Variants in DPP6 observed in about 807,000 individuals in gnomAD.
DPP6 encodes A-type potassium channel modulatory protein DPP6.
Under a neutral mutation model 122.6 loss-of-function variants are expected in DPP6, and 69 were observed. The observed-to-expected ratio is 0.56, with a 90% CI of 0.46 to 0.69. DPP6 has a LOEUF of 0.69. DPP6 is among the 30% of genes least tolerant of loss of function. DPP6 has a pLI of 0.00. For missense variants in DPP6, 928 were observed against 1,116.9 expected (o/e 0.83, Z 2.41); for synonymous variants, 418 against 433.1 (o/e 0.97, Z 0.43).
At chr7:154,642,081 C>A (rs569172245) in intron 6 of DPP6, among the ~76,000 whole-genome samples, 1 of 152,264 alleles carries the variant, frequency 6.6e-6, no homozygotes, top group East Asian at 1.9e-4. Context: ...GACTGAGATC[C>A]AGAGGAGCAT....
chr7:154,042,048 C>T lies in DPP6; in HGVS notation c.51+154314C>T, dbSNP rs752325443. Among the ~76,000 whole-genome samples the T allele has an allele frequency of 3.3e-5, 5 of 152,248 alleles. No homozygotes were observed. In the South Asian group the frequency reaches 1.0e-3, roughly 32 times the overall value. ...CTGAGATTACAGGCGTGAGCCACGG[C>T]GCCTGGCCTCTTCTCATGGTTTCAA... is the stretch of plus-strand genomic sequence containing the variant. On this transcript the variant is annotated intron_variant, in intron 1 of 25. Transcript: ENST00000404039.
At chr7:154,353,505 C>G (rs1174234801) in intron 1 of DPP6, among the ~76,000 whole-genome samples, 2 of 152,144 alleles carry the variant, frequency 1.3e-5, no homozygotes, top group Non-Finnish European at 2.9e-5. Context: ...TTCTTCCTGA[C>G]AATTGAGTGA....
At chr7:154,880,764 T>C (rs1377781870) in intron 20 of DPP6, 124 bp from the exon 21 acceptor site, 11 of 1,516,744 alleles carry the variant, frequency 7.3e-6, no homozygotes, top group Non-Finnish European at 9.9e-6. Flanking sequence ...ATGCTAAGGT[T>C]GCTTTTTATT....
At chr7:154,532,101 T>C (rs1226240018) in intron 3 of DPP6, among the ~76,000 whole-genome samples, 1 of 152,088 alleles carries the variant, frequency 6.6e-6, no homozygotes, top group Non-Finnish European at 1.5e-5. Context: ...ACTATATTAT[T>C]ATCCATAAAA....
At chr7:154,710,446 A>G (rs1015818651) in intron 7 of DPP6, among the ~76,000 whole-genome samples, 5 of 152,266 alleles carry the variant, frequency 3.3e-5, no homozygotes, top group African/African-American at 1.2e-4. Context: ...TCTGAGTGCC[A>G]GAGTGTTTCT....
chr7:154,074,030 TGTATGTATGTAA>T lies in DPP6; in HGVS notation c.243+20972_243+20983del, dbSNP rs1458974650. Among the ~76,000 whole-genome samples the T allele has an allele frequency of 5.7e-4, 84 of 146,564 alleles. No individual in the cohort carries two copies. In the South Asian group the frequency reaches 8.5e-3, roughly 15 times the overall value. ...ATGTATGTATGTATGTATGTATGTA[TGTATGTATGTAA>T]GTATCTATCTATATATCTCCATATA... On this transcript the variant is annotated intron_variant, in intron 1 of 25. Transcript: ENST00000377770.
At chr7:154,428,869 G>A (rs1051006449) in intron 1 of DPP6, among the ~76,000 whole-genome samples, 7 of 152,158 alleles carry the variant, frequency 4.6e-5, no homozygotes, top group Non-Finnish European at 1.0e-4. Flanking sequence ...GAAGGGGTAT[G>A]AGGGATAAAA....
intron 1 of DPP6, among the ~76,000 whole-genome samples, chr7:154,056,651 G>T (rs1800839342): frequency 1.3e-5 from 2 of 152,136 alleles, no homozygotes; most frequent in South Asian, 4.2e-4. Context: ...TTAAAACTGG[G>T]ATAGATGGGC....
intron 1 of DPP6, among the ~76,000 whole-genome samples, chr7:154,407,494 G>A (rs181871831): frequency 1.3e-4 from 20 of 152,224 alleles, no homozygotes; most frequent in Admixed American, 4.6e-4. Context: ...GTAGATTTTC[G>A]CTACAACGAT....
intron 1 of DPP6, among the ~76,000 whole-genome samples, chr7:154,155,544 A>T (rs1334695964): frequency 2.6e-5 from 4 of 152,194 alleles, no homozygotes; most frequent in African/African-American, 9.7e-5. Flanking sequence ...GTGTCCAGAG[A>T]TAGAAGCCAT....
At chr7:154,818,731 C>T (rs1415316143) in intron 16 of DPP6, among the ~76,000 whole-genome samples, 2 of 152,182 alleles carry the variant, frequency 1.3e-5, no homozygotes, top group African/African-American at 4.8e-5. Flanking sequence ...ATGTTTAGAA[C>T]CGGTTTGAAG....
the DPP6 span, among the ~76,000 whole-genome samples, chr7:153,819,077 C>CT: frequency 0.036 from 3,633 of 99,802 alleles, 103 homozygotes; most frequent in African/African-American, 0.063. Context: ...CTTTTCTTTT[C>CT]TTTTTTTTTT....
intron 1 of DPP6, among the ~76,000 whole-genome samples, chr7:153,999,697 G>A (rs1447935957): frequency 3.5e-4 from 53 of 152,294 alleles, no homozygotes; most frequent in African/African-American, 1.1e-3. Context: ...GGTGGCTCAC[G>A]CCTATAATCC....
chr7:154,239,764 G>T (rs1220855598), intron 1 of DPP6, among the ~76,000 whole-genome samples: 1 of 150,840 alleles, frequency 6.6e-6, no homozygotes, highest in Admixed American at 6.6e-5. Context: ...CTTGAAGTCA[G>T]GAGTTTGAGA....
chr7:154,476,198 A>C (rs552399986), intron 3 of DPP6, among the ~76,000 whole-genome samples: 1 of 152,210 alleles, frequency 6.6e-6, no homozygotes, highest in South Asian at 2.1e-4. Flanking sequence ...AGCTTATTTA[A>C]AAGTGAAAAA....
intron 6 of DPP6, among the ~76,000 whole-genome samples, chr7:154,664,399 GA>G (rs1312629618): frequency 6.6e-6 from 1 of 152,220 alleles, no homozygotes; most frequent in Non-Finnish European, 1.5e-5. Context: ...GATACCTACT[GA>G]AAATCATAAT....
intron 5 of DPP6, chr7:154,588,169 T>C: frequency 6.5e-7 from 1 of 1,529,502 alleles, no homozygotes; most frequent in East Asian, 2.3e-5. Flanking sequence ...CAAGAAATAC[T>C]GCCTTCCCCA....
intron 1 of DPP6, among the ~76,000 whole-genome samples, chr7:154,303,089 C>G (rs553484995): frequency 6.6e-6 from 1 of 152,204 alleles, no homozygotes; most frequent in Non-Finnish European, 1.5e-5. Flanking sequence ...TCAAGCGATT[C>G]TCCTGCCTTA....
rs73729757 is a variant in DPP6, at chr7:154,222,198, C to T, written c.243+169135C>T. 8.4e-3 allele frequency among the ~76,000 whole-genome samples: 1,280 copies of T among 152,252 alleles called. 29 individuals are homozygous for T. The highest frequency in any genetic ancestry group is 0.029 in the African/African-American group (1,202 of 41,552). Reference sequence around the variant, plus strand: ...TGCTCCTAATCTGTTACCTTTGACCCCTATCCTCCCAGCCACCCAAATTGA... The same window carrying T: ...TGCTCCTAATCTGTTACCTTTGACCTCTATCCTCCCAGCCACCCAAATTGA... On this transcript the variant is annotated intron_variant, in intron 1 of 25. Coordinates refer to ENST00000377770, the MANE Select transcript of DPP6 (RefSeq NM_130797.4).
Sources: allele counts gnomAD v4.1 joint callset (sites outside exome capture counted in the v4.1 genomes callset), GRCh38; gene constraint gnomAD v4.1.1; transcripts MANE v1.5; gene names NCBI Gene and HGNC (gene_info 2026-07-23, HGNC 2026-07-21).